The following THSD4 variants were observed in gnomAD, a reference collection of about 807,000 sequenced individuals.
THSD4 encodes the protein thrombospondin type 1 domain containing 4, also known as thrombospondin type-1 domain-containing protein 4.
THSD4 carries 69 observed loss-of-function variants against 119.0 expected under a neutral mutation model. That is an observed-to-expected ratio of 0.58 (90% CI 0.48 to 0.71). The LOEUF (loss-of-function observed/expected upper bound fraction) is 0.71, where lower values mean the gene tolerates loss of function less well. THSD4 is among the 30% of genes least tolerant of loss of function. The pLI, the probability that THSD4 is intolerant of heterozygous loss-of-function variation, is 0.00. For synonymous variants in THSD4, 524 were observed against 540.4 expected (o/e 0.97, Z 0.42); for missense variants, 1,393 against 1,391.1 (o/e 1.00, Z -0.02).
intron 7 of THSD4, among the ~76,000 whole-genome samples, chr15:71,427,954 G>GAAGAGA (rs998762017): frequency 3.1e-4 from 47 of 152,298 alleles, no homozygotes; most frequent in African/African-American, 8.9e-4. Context: ...CCAAGAGACA[G>GAAGAGA]AAGAGAGGTT....
At chr15:71,117,315 G>T (rs55658581) in intron 1 of THSD4, among the ~76,000 whole-genome samples, 2,138 of 152,246 alleles carry the variant, frequency 0.014, 55 homozygotes, top group African/African-American at 0.049. Flanking sequence ...GAAGATCAGG[G>T]GTGGGGAGAT....
chr15:71,477,982 C>G (rs1227871903), intron 7 of THSD4, among the ~76,000 whole-genome samples: 1 of 152,134 alleles, frequency 6.6e-6, no homozygotes, highest in African/African-American at 2.4e-5. Flanking sequence ...GTGGTGTGCT[C>G]AAGCCCCAAG....
intron 8 of THSD4, among the ~76,000 whole-genome samples, chr15:71,710,790 G>A (rs1377451837): frequency 6.6e-6 from 1 of 151,990 alleles, no homozygotes. Flanking sequence ...GGTACGTTCT[G>A]TTCCACACAG....
intron 3 of THSD4, among the ~76,000 whole-genome samples, chr15:71,181,299 T>A (rs1369633734): frequency 6.6e-6 from 1 of 152,214 alleles, no homozygotes; most frequent in Non-Finnish European, 1.5e-5. Context: ...AGAATTTCAG[T>A]GTTCACTAAT....
intron 7 of THSD4, among the ~76,000 whole-genome samples, chr15:71,466,264 G>A (rs773198849): frequency 6.6e-6 from 1 of 151,280 alleles, no homozygotes; most frequent in Non-Finnish European, 1.5e-5. Flanking sequence ...AGAATGGTGT[G>A]AACCCAGGAG....
At chr15:71,586,655 G>A (rs1410110743) in intron 7 of THSD4, among the ~76,000 whole-genome samples, 3 of 152,164 alleles carry the variant, frequency 2.0e-5, no homozygotes, top group Non-Finnish European at 4.4e-5. Flanking sequence ...CATGTGATTA[G>A]GTCAGGCCAC....
chr15:71,476,040 C>G (rs558020301), intron 7 of THSD4, among the ~76,000 whole-genome samples: 2 of 152,288 alleles, frequency 1.3e-5, no homozygotes, highest in Admixed American at 1.3e-4. Context: ...TATTAATCTT[C>G]TCGAGCCTCA....
intron 7 of THSD4, among the ~76,000 whole-genome samples, chr15:71,499,136 C>G (rs1030604901): frequency 2.0e-5 from 3 of 152,102 alleles, no homozygotes; most frequent in Non-Finnish European, 4.4e-5. Context: ...TACCTTTTCT[C>G]TCATTATTTC....
chr15:71,532,828 A>C (rs2048635507), intron 7 of THSD4, among the ~76,000 whole-genome samples: 1 of 152,246 alleles, frequency 6.6e-6, no homozygotes, highest in Non-Finnish European at 1.5e-5. Context: ...AAATAAGATT[A>C]GAGAAGGAGT....
At chr15:71,600,740 C>CT (rs1491132062) in intron 7 of THSD4, among the ~76,000 whole-genome samples, 7 of 125,920 alleles carry the variant, frequency 5.6e-5, no homozygotes, top group Non-Finnish European at 1.1e-4. Context: ...CTTTTTTTTT[C>CT]TTTCTTTCTT....
At chr15:71,564,756 A>G (rs901531782) in intron 7 of THSD4, among the ~76,000 whole-genome samples, 4 of 55,792 alleles carry the variant, frequency 7.2e-5, no homozygotes, top group Non-Finnish European at 1.6e-4. Context: ...ATAGTATAAC[A>G]TATAATACAA....
At chr15:71,290,526 G>C (rs2140324411) in intron 6 of THSD4, among the ~76,000 whole-genome samples, 2 of 152,128 alleles carry the variant, frequency 1.3e-5, no homozygotes, top group Middle Eastern at 6.8e-3. Flanking sequence ...TGTTTACAAT[G>C]ACATTCAACA....
intron 6 of THSD4, among the ~76,000 whole-genome samples, chr15:71,314,046 G>A (rs1253964509): frequency 6.6e-6 from 1 of 152,160 alleles, no homozygotes; most frequent in Non-Finnish European, 1.5e-5. Flanking sequence ...CAAATGTGCT[G>A]AAAGTCCTGC....
intron 7 of THSD4, among the ~76,000 whole-genome samples, chr15:71,632,475 A>C (rs1218827620): frequency 6.6e-6 from 1 of 152,208 alleles, no homozygotes; most frequent in East Asian, 1.9e-4. Context: ...TATGGCCAGA[A>C]CCTACTTCTT....
At chr15:71,732,953 G>A (rs1350320595) in intron 10 of THSD4, 4 of 152,186 alleles carry the variant, frequency 2.6e-5, no homozygotes, top group Admixed American at 6.5e-5. Context: ...ACATGGGGTG[G>A]GTGTGTTGTC....
At position 71,411,718 on chromosome 15, in the gene THSD4, C is replaced by T; in HGVS notation, c.1047C>T (p.Cys349=). ...GCAATCGCAAATGTGAGTTGAACTG[C>T]CAGGCAATGGGCTACCGCTTCTATG... ...VKGNRKCELN[C]QAMGYRFYVR... is the part of the protein sequence containing the mutation. The change falls in exon 7 of 18, where the codon TGC becomes TGT. Residue 349 remains cysteine, a synonymous_variant. Coordinates refer to ENST00000261862, the MANE Select transcript of THSD4 (RefSeq NM_024817.3). 1 of 1,613,964 alleles carries T rather than the reference C, an allele frequency of 6.2e-7. No individual in the cohort carries two copies. Among genetic ancestry groups the T allele is most frequent in the Non-Finnish European group, 8.5e-7 (1 of 1,179,974 alleles).
In THSD4 at chr15:71,296,840, A is replaced by G. The variant is rs551336083; in HGVS notation, c.1015+40125A>G. Among the ~76,000 whole-genome samples, 6 of 152,328 alleles carry G rather than the reference A, an allele frequency of 3.9e-5. No individual in the cohort carries two copies. In the South Asian group the frequency reaches 6.2e-4, roughly 16 times the overall value. Reference sequence around the variant, plus strand: ...ATCCCGACCCTGCCATTTATTAGCTATAACTAGATTTTTAATTGCTCCGAG... The same window carrying G: ...ATCCCGACCCTGCCATTTATTAGCTGTAACTAGATTTTTAATTGCTCCGAG... On this transcript the variant is annotated intron_variant, in intron 6 of 17. Transcript: ENST00000261862.
At chr15:71,608,914 A>T (rs2050168428) in intron 7 of THSD4, among the ~76,000 whole-genome samples, 1 of 152,210 alleles carries the variant, frequency 6.6e-6, no homozygotes, top group African/African-American at 2.4e-5. Context: ...CAGAGTTAGT[A>T]AGGCGGTCAG....
chr15:71,246,738 A>T (rs896439520), intron 5 of THSD4, among the ~76,000 whole-genome samples: 2 of 152,190 alleles, frequency 1.3e-5, no homozygotes, highest in South Asian at 4.1e-4. Flanking sequence ...TTTGTTGCCT[A>T]CAATGTGTAC....
Sources: allele counts gnomAD v4.1 joint callset (sites outside exome capture counted in the v4.1 genomes callset), GRCh38; gene constraint gnomAD v4.1.1; transcripts MANE v1.5; gene names NCBI Gene and HGNC (gene_info 2026-07-23, HGNC 2026-07-21).